Variants in ALK observed in about 807,000 individuals in gnomAD.
The protein encoded by ALK is ALK tyrosine kinase receptor.
In ALK, 74 loss-of-function variants were observed where a neutral mutation model predicts 163.1. That is an observed-to-expected ratio of 0.45 (90% CI 0.38 to 0.55). The LOEUF (loss-of-function observed/expected upper bound fraction) is 0.55, where lower values mean the gene tolerates loss of function less well. Ranked by LOEUF, ALK falls within the 20% of genes least tolerant of loss-of-function variation. The pLI is 0.00. For missense variants in ALK, 2,063 were observed against 2,105.3 expected (o/e 0.98, Z 0.39); for synonymous variants, 960 against 843.2 (o/e 1.14, Z -2.40).
chr2:29,220,472 C>T (rs377274293), intron 23 of ALK, among the ~76,000 whole-genome samples: 11 of 152,290 alleles, frequency 7.2e-5, no homozygotes, highest in African/African-American at 2.6e-4. Context: ...TGGACTAATA[C>T]AAATGCATTG....
intron 4 of ALK, among the ~76,000 whole-genome samples, chr2:29,511,933 C>T (rs1380958965): frequency 6.6e-6 from 1 of 152,060 alleles, no homozygotes; most frequent in African/African-American, 2.4e-5. Context: ...AAATATTTTG[C>T]CCACTTAATT....
intron 3 of ALK, among the ~76,000 whole-genome samples, chr2:29,573,001 T>A (rs1674423113): frequency 6.6e-6 from 1 of 152,192 alleles, no homozygotes; most frequent in Admixed American, 6.5e-5. Flanking sequence ...GAGCTCACCA[T>A]CCCGTCTCTA....
intron 3 of ALK, among the ~76,000 whole-genome samples, chr2:29,607,793 C>A (rs1208775708): frequency 3.3e-5 from 5 of 152,052 alleles, no homozygotes; most frequent in African/African-American, 4.8e-5. Context: ...TTTTTTCTTA[C>A]CTACACTTTC....
At chr2:29,757,770 C>A (rs1169844566) in intron 1 of ALK, among the ~76,000 whole-genome samples, 1 of 152,088 alleles carries the variant, frequency 6.6e-6, no homozygotes, top group South Asian at 2.1e-4. Context: ...GCACATGCAG[C>A]CTCTGTGGCA....
At chr2:29,526,523 A>G (rs1425013799) in intron 4 of ALK, among the ~76,000 whole-genome samples, 9 of 152,124 alleles carry the variant, frequency 5.9e-5, no homozygotes, top group Non-Finnish European at 1.3e-4. Context: ...GCCTTATTGT[A>G]TATTTATTAG....
intron 1 of ALK, among the ~76,000 whole-genome samples, chr2:29,790,878 C>G (rs1664169294): frequency 6.6e-6 from 1 of 152,096 alleles, no homozygotes; most frequent in African/African-American, 2.4e-5. Context: ...GTCACCTCAC[C>G]CGGCCAAAAA....
At chr2:29,552,605 T>C (rs1280195523) in intron 3 of ALK, among the ~76,000 whole-genome samples, 1 of 152,246 alleles carries the variant, frequency 6.6e-6, no homozygotes, top group South Asian at 2.1e-4. Context: ...TAATGACTAA[T>C]GATGTTGAGC....
chr2:29,666,316 C>T lies in ALK; in HGVS notation c.952+28534G>A, dbSNP rs527748851. Among the ~76,000 whole-genome samples, 262 of 151,760 alleles carry T rather than the reference C, an allele frequency of 1.7e-3. 11 individuals are homozygous for T. In the South Asian group the frequency reaches 0.052, roughly 30 times the overall value. On this transcript the variant is annotated intron_variant, in intron 3 of 28. Transcript: ENST00000389048. ...TACTAGATGGTCGTTTCTAGGGTCC[C>T]TTTTTTTTCTCCCCACTGCTTTGAA...
rs549297631 is a variant in ALK, at chr2:29,767,919, G to A, written c.668-50222C>T. Among the ~76,000 whole-genome samples, 28 of 152,358 alleles carry A rather than the reference G, an allele frequency of 1.8e-4. No individual in the cohort carries two copies. In the South Asian group the frequency reaches 5.8e-3, roughly 32 times the overall value. On this transcript the variant is annotated intron_variant, in intron 1 of 28. Transcript: ENST00000389048. The stretch of plus-strand genomic sequence containing the variant: ...TGTTTGTCTTCTAGCCCCAGTCTGG[G>A]GAAGTCGTGATGATTACTCATTAGG...
intron 4 of ALK, among the ~76,000 whole-genome samples, chr2:29,424,087 A>G (rs947646775): frequency 1.3e-5 from 2 of 152,228 alleles, no homozygotes; most frequent in Non-Finnish European, 2.9e-5. Context: ...GGTAATGAAA[A>G]GGTAATTCTA....
intron 5 of ALK, among the ~76,000 whole-genome samples, chr2:29,362,982 T>C (rs1308590506): frequency 6.6e-6 from 1 of 152,156 alleles, no homozygotes; most frequent in Admixed American, 6.5e-5. Context: ...ATCACCACCA[T>C]TGTGTGTGGA....
At chr2:29,711,308 C>T (rs147104677) in intron 2 of ALK, among the ~76,000 whole-genome samples, 211 of 152,314 alleles carry the variant, frequency 1.4e-3, no homozygotes, top group African/African-American at 4.8e-3. Flanking sequence ...CTTCTCCTGA[C>T]TCTCTGTGTT....
At chr2:29,289,998 G>C (rs549632276) in intron 9 of ALK, among the ~76,000 whole-genome samples, 1 of 152,172 alleles carries the variant, frequency 6.6e-6, no homozygotes, top group Non-Finnish European at 1.5e-5. Context: ...TTGAGAGCTG[G>C]GGCTGTATTG....
At position 29,247,621 on chromosome 2, in the gene ALK, G is replaced by A. The variant is rs149253342; in HGVS notation, c.2204+3484C>T. Among the ~76,000 whole-genome samples the A allele has an allele frequency of 1.9e-3, 295 of 152,378 alleles. No homozygotes were observed. The Middle Eastern group carries it at 0.041, about 21-fold the overall frequency. On this transcript the variant is annotated intron_variant, in intron 12 of 28. Coordinates refer to ENST00000389048, the MANE Select transcript of ALK (RefSeq NM_004304.5). ...TGTAGAGGGTGGGAGGTGGGCCCAG[G>A]ATAAGTTACCAGCTAAGAGTGGGGG...
intron 1 of ALK, among the ~76,000 whole-genome samples, chr2:29,908,915 T>C (rs1489244219): frequency 1.3e-5 from 2 of 152,234 alleles, no homozygotes; most frequent in African/African-American, 4.8e-5. Flanking sequence ...GAAGAGACTG[T>C]ACTTCATTCA....
intron 11 of ALK, among the ~76,000 whole-genome samples, chr2:29,267,601 T>G (rs1350902596): frequency 2.0e-5 from 3 of 152,152 alleles, no homozygotes; most frequent in Admixed American, 1.3e-4. Context: ...CTAAGGCAAT[T>G]CCACCTCTTG....
At chr2:29,867,561 C>G (rs1345366801) in intron 1 of ALK, among the ~76,000 whole-genome samples, 2 of 152,126 alleles carry the variant, frequency 1.3e-5, no homozygotes, top group African/African-American at 4.8e-5. Context: ...CTTACAACTG[C>G]CTCATAACTT....
At chr2:29,858,744 A>C (rs556992569) in intron 1 of ALK, among the ~76,000 whole-genome samples, 2 of 151,706 alleles carry the variant, frequency 1.3e-5, no homozygotes, top group African/African-American at 4.8e-5. Context: ...CTCCATCTCA[A>C]AAACAAAAAC....
intron 7 of ALK, among the ~76,000 whole-genome samples, chr2:29,318,778 G>A (rs1014934731): frequency 6.6e-6 from 1 of 152,106 alleles, no homozygotes; most frequent in African/African-American, 2.4e-5. Context: ...GTGTTAGCCA[G>A]GATAGTCTCG....
Sources: allele counts gnomAD v4.1 joint callset (sites outside exome capture counted in the v4.1 genomes callset), GRCh38; gene constraint gnomAD v4.1.1; transcripts MANE v1.5; gene names NCBI Gene and HGNC (gene_info 2026-07-23, HGNC 2026-07-21).